TRIM36: variants seen among roughly 807,000 people sequenced by gnomAD.
The protein encoded by TRIM36 is tripartite motif containing 36.
Under a neutral mutation model 72.4 loss-of-function variants are expected in TRIM36, and 42 were observed. That is an observed-to-expected ratio of 0.58 (90% CI 0.45 to 0.75). The LOEUF is 0.75. TRIM36 is among the 30% of genes least tolerant of loss of function. The pLI, the probability that TRIM36 is intolerant of heterozygous loss-of-function variation, is 0.00. For synonymous variants in TRIM36, 315 were observed against 282.8 expected (o/e 1.11, Z -1.14); for missense variants, 913 against 857.1 (o/e 1.07, Z -0.81).
At chr5:115,162,659 G>A (rs1754544095) in intron 2 of TRIM36, among the ~76,000 whole-genome samples, 1 of 151,548 alleles carries the variant, frequency 6.6e-6, no homozygotes, top group South Asian at 2.1e-4. Flanking sequence ...AGTTTTCTTT[G>A]GTCAATCAAG....
rs559713922 is a variant in TRIM36, at chr5:115,147,301, C to G, written c.356G>C (p.Gly119Ala). Residue 119 changes from glycine to alanine, a missense_variant, in exon 3 of 10, where the codon GGT (glycine) becomes GCT (alanine). Physicochemically the swap from Gly to Ala is moderately conservative, Grantham distance 60 (BLOSUM62 0). Transcript: ENST00000513154. ...TTCCAAAGTGAAGTTTCGAAACAGA[C>G]CATTGATTCCTCGTTCTCCAAGATC... ...DVDLGERGIN[G>A]LFRNFTLETI... 6.2e-7 allele frequency: 1 copy of G among 1,614,192 alleles called. No homozygotes were observed. The highest frequency in any genetic ancestry group is 8.5e-7 in the Non-Finnish European group (1 of 1,180,038).
At chr5:115,148,989 T>C (rs1015177172) in intron 2 of TRIM36, 16 of 152,324 alleles carry the variant, frequency 1.1e-4, no homozygotes, top group African/African-American at 3.4e-4. Context: ...ATAATACTTA[T>C]TGGAAGTGAT....
At chr5:115,137,301 T>A (rs1753014897) in intron 6 of TRIM36, 62 bp downstream of exon 6, 10 of 1,545,192 alleles carry the variant, frequency 6.5e-6, no homozygotes, top group Middle Eastern at 1.7e-4. Context: ...AAAGTGAGAA[T>A]ACACAGCAGC....
chr5:115,153,435 T>C (rs1466701499), intron 2 of TRIM36, among the ~76,000 whole-genome samples: 2 of 152,124 alleles, frequency 1.3e-5, no homozygotes, highest in African/African-American at 2.4e-5. Flanking sequence ...AACACAGTAA[T>C]ACTGGGAGGT....
At chr5:115,180,069 G>C in exon 1 of TRIM36, 1 of 1,598,628 alleles carries the variant, frequency 6.3e-7, no homozygotes, top group Non-Finnish European at 8.6e-7. Context: ...CTGGAGGACC[G>C]ACGCGGGTGT....
chr5:115,144,021 C>T (rs1753434306), intron 4 of TRIM36, among the ~76,000 whole-genome samples: 1 of 145,572 alleles, frequency 6.9e-6, no homozygotes, highest in Non-Finnish European at 1.5e-5. Context: ...CAGGTGCCCG[C>T]CACCATGCCC....
chr5:115,141,917 T>C (rs905242509), intron 4 of TRIM36, among the ~76,000 whole-genome samples: 1 of 152,170 alleles, frequency 6.6e-6, no homozygotes, highest in African/African-American at 2.4e-5. Flanking sequence ...TCCAGAGCTC[T>C]TTGAATAATC....
chr5:115,131,536 C>G (rs1752676566), intron 8 of TRIM36, among the ~76,000 whole-genome samples: 1 of 152,150 alleles, frequency 6.6e-6, no homozygotes. Flanking sequence ...TTAAGCATAA[C>G]ATTGGCTGCT....
intron 1 of TRIM36, among the ~76,000 whole-genome samples, chr5:115,167,608 C>G (rs550629207): frequency 1.3e-5 from 2 of 152,224 alleles, no homozygotes; most frequent in African/African-American, 4.8e-5. Context: ...CATCTGAGAC[C>G]ACCTTGGCCT....
chr5:115,149,819 C>T (rs1298268668), intron 2 of TRIM36, among the ~76,000 whole-genome samples: 7 of 151,898 alleles, frequency 4.6e-5, no homozygotes, highest in African/African-American at 1.5e-4. Context: ...AGTGCAGTGG[C>T]GCGATCTCGG....
At chr5:115,156,498 C>A (rs921636117) in intron 2 of TRIM36, among the ~76,000 whole-genome samples, 3 of 152,036 alleles carry the variant, frequency 2.0e-5, no homozygotes, top group Non-Finnish European at 2.9e-5. Flanking sequence ...AATAGAGAAC[C>A]CAGAAATAAC....
chr5:115,168,985 C>A (rs1288687162), intron 1 of TRIM36: 2 of 152,296 alleles, frequency 1.3e-5, no homozygotes, highest in African/African-American at 2.4e-5. Flanking sequence ...AAATTTAGTT[C>A]ATCTGTCATT....
At chr5:115,164,797 C>A (rs191141100) in intron 1 of TRIM36, among the ~76,000 whole-genome samples, 1 of 152,336 alleles carries the variant, frequency 6.6e-6, no homozygotes, top group African/African-American at 2.4e-5. Context: ...AGCATTAGCT[C>A]AAAAGTCCAA....
chr5:115,156,338 A>G (rs1345836743), intron 2 of TRIM36, among the ~76,000 whole-genome samples: 1 of 152,182 alleles, frequency 6.6e-6, no homozygotes, highest in Non-Finnish European at 1.5e-5. Flanking sequence ...GGAACCAAAA[A>G]AGAGCCCGCA....
chr5:115,128,753 C>A (rs1487148466), intron 9 of TRIM36, among the ~76,000 whole-genome samples: 1 of 24,448 alleles, frequency 4.1e-5, no homozygotes, highest in African/African-American at 1.3e-4. Context: ...AGCGAGACTC[C>A]GTCTCAAAAA....
intron 1 of TRIM36, chr5:115,177,737 G>C (rs541214033): frequency 6.2e-7 from 1 of 1,614,064 alleles, no homozygotes; most frequent in South Asian, 1.1e-5. Context: ...ACAAAACAGA[G>C]AGAGGAATTG....
At chr5:115,152,988 T>A (rs1246108823) in intron 2 of TRIM36, among the ~76,000 whole-genome samples, 5 of 151,786 alleles carry the variant, frequency 3.3e-5, no homozygotes, top group Non-Finnish European at 7.4e-5. Context: ...AAAAACAAGG[T>A]ACACAGGCAA....
chr5:115,169,125 G>C (rs1054404474), intron 1 of TRIM36: 13 of 156,276 alleles, frequency 8.3e-5, no homozygotes, highest in Non-Finnish European at 2.8e-5. Context: ...AGCTGCCGGG[G>C]CCCCGGCCCG....
At chr5:115,167,688 A>G (rs1754863060) in intron 1 of TRIM36, among the ~76,000 whole-genome samples, 1 of 152,204 alleles carries the variant, frequency 6.6e-6, no homozygotes, top group South Asian at 2.1e-4. Context: ...GGAAGTTCCA[A>G]ACTTTCCCAC....
Sources: gnomAD v4.1 joint callset for allele counts (sites outside exome capture counted in the v4.1 genomes callset) on GRCh38, gnomAD v4.1.1 for gene constraint, MANE v1.5 for transcripts, NCBI Gene and HGNC (gene_info 2026-07-23, HGNC 2026-07-21) for gene names.